PADI3: variants seen among roughly 807,000 people sequenced by gnomAD.
PADI3 encodes protein-arginine deiminase type-3.
A neutral mutation model predicts 71.5 loss-of-function variants in PADI3; 53 were observed. The ratio of observed to expected loss-of-function variants is 0.74; its 90% CI spans 0.59 to 0.93. The LOEUF is 0.93. PADI3 is among the 40% of genes least tolerant of loss of function. The probability of loss-of-function intolerance (pLI) is 0.00; values close to 1 mark genes in which losing one functional copy is unlikely to be tolerated. For synonymous variants in PADI3, 361 were observed against 347.5 expected, an observed-to-expected ratio of 1.04 and a Z score of -0.43; for missense variants, 821 against 868.0, an observed-to-expected ratio of 0.95 and a Z score of 0.68.
intron 2 of PADI3, among the ~76,000 whole-genome samples, chr1:17,260,057 T>C (rs971524920): frequency 2.6e-5 from 4 of 152,164 alleles, no homozygotes; most frequent in Non-Finnish European, 5.9e-5. Context: ...TGTTGCTCCT[T>C]CTCTTGCTTC....
At chr1:17,282,467 T>C (rs573131575) in intron 15 of PADI3, among the ~76,000 whole-genome samples, 4 of 152,092 alleles carry the variant, frequency 2.6e-5, no homozygotes, top group Non-Finnish European at 4.4e-5. Flanking sequence ...GACGCTCCCA[T>C]TGTCAGTTTC....
intron 6 of PADI3, among the ~76,000 whole-genome samples, chr1:17,268,886 CTTTT>C (rs34487635): frequency 2.3e-5 from 3 of 132,574 alleles, no homozygotes; most frequent in Non-Finnish European, 1.6e-5. Flanking sequence ...CTAAATCTGA[CTTTT>C]TTTTTTTTTT....
chr1:17,252,403 T>C (rs1334837379), intron 1 of PADI3, among the ~76,000 whole-genome samples: 7 of 118,300 alleles, frequency 5.9e-5, no homozygotes, highest in East Asian at 2.7e-4. Flanking sequence ...TCTTCTTCTT[T>C]TTTTTTTTTT....
At chr1:17,269,412 T>C (rs1557507044) in intron 6 of PADI3, among the ~76,000 whole-genome samples, 1 of 152,204 alleles carries the variant, frequency 6.6e-6, no homozygotes, top group African/African-American at 2.4e-5. Flanking sequence ...CTGAACATCA[T>C]AGTGGTTTGC....
intron 1 of PADI3, among the ~76,000 whole-genome samples, chr1:17,252,368 G>A (rs1219818202): frequency 6.6e-6 from 1 of 151,216 alleles, no homozygotes; most frequent in African/African-American, 2.4e-5. Context: ...CAAAGTCTTG[G>A]TGCAGGAAGA....
At chr1:17,261,115 C>A (rs899026251) in intron 2 of PADI3, among the ~76,000 whole-genome samples, 1 of 152,190 alleles carries the variant, frequency 6.6e-6, no homozygotes, top group African/African-American at 2.4e-5. Flanking sequence ...GTGGCCCCTG[C>A]AAGATCCTCC....
intron 9 of PADI3, among the ~76,000 whole-genome samples, chr1:17,272,255 G>A (rs1034438926): frequency 6.6e-6 from 1 of 152,134 alleles, no homozygotes; most frequent in Admixed American, 6.5e-5. Flanking sequence ...AGGCAGGAGA[G>A]AGAACCTTGT....
chr1:17,249,520 A>G (rs1300737389), intron 1 of PADI3, among the ~76,000 whole-genome samples: 1 of 152,138 alleles, frequency 6.6e-6, no homozygotes, highest in East Asian at 1.9e-4. Flanking sequence ...GCACTTTTCT[A>G]TGTCCAAGGG....
intron 13 of PADI3, 88 bp downstream of exon 13, chr1:17,276,964 G>A (rs2073342684): frequency 8.7e-7 from 1 of 1,145,946 alleles, no homozygotes; most frequent in Non-Finnish European, 1.2e-6. Flanking sequence ...GGGAGGGCAA[G>A]TTTTAAAGCA....
chr1:17,254,864 A>G (rs112349915), intron 1 of PADI3, among the ~76,000 whole-genome samples: 26,750 of 151,954 alleles, frequency 0.18, 2,422 homozygotes, highest in South Asian at 0.23. Flanking sequence ...TTACAGGCAT[A>G]TGCCACCACG....
chr1:17,266,277 G>A (rs1428664595), intron 4 of PADI3, among the ~76,000 whole-genome samples: 1 of 152,206 alleles, frequency 6.6e-6, no homozygotes, highest in Non-Finnish European at 1.5e-5. Context: ...TGCCCTGGGA[G>A]TTAAGAGGAG....
rs770336663 is a variant in PADI3 at position 17,283,099 on chromosome 1, C to T, written c.*20C>T. 13 of 1,595,142 alleles carry T rather than the reference C, an allele frequency of 8.1e-6. No homozygotes were observed. The African/African-American group carries it at 1.7e-4, about 21-fold the overall frequency. On this transcript the variant is annotated 3_prime_UTR_variant, in exon 16 of 16. Coordinates refer to ENST00000375460, the MANE Select transcript of PADI3 (RefSeq NM_016233.2). ...CCCTGAGACAGCTCCCACCCACCAT[C>T]CTGTCCCCCTGGGGCGGGCATTGGC...
chr1:17,280,349 G>A lies in PADI3; in HGVS notation c.1556-1G>A. Reference sequence around the variant, plus strand: ...TTCTCTTTCATCTCTCTCCTTCACAGATGATGAGCAGGTCAAGACCATCTC... The same window carrying A: ...TTCTCTTTCATCTCTCTCCTTCACAAATGATGAGCAGGTCAAGACCATCTC... On this transcript the variant is annotated splice_acceptor_variant, in intron 13 of 15. Coordinates refer to ENST00000375460, the MANE Select transcript of PADI3 (RefSeq NM_016233.2). LOFTEE classifies it high-confidence loss of function. The A allele has an allele frequency of 6.2e-7, 1 of 1,612,364 alleles. No individual in the cohort carries two copies. Among genetic ancestry groups the A allele is most frequent in the Non-Finnish European group, 8.5e-7 (1 of 1,178,406 alleles).
chr1:17,258,001 T>C (rs1465952451), intron 1 of PADI3, among the ~76,000 whole-genome samples: 1 of 152,162 alleles, frequency 6.6e-6, no homozygotes, highest in African/African-American at 2.4e-5. Context: ...GAGTGTGGAC[T>C]GAGGAGCCAC....
intron 6 of PADI3, among the ~76,000 whole-genome samples, chr1:17,268,566 G>A (rs1056853326): frequency 5.2e-5 from 7 of 135,808 alleles, no homozygotes; most frequent in African/African-American, 2.0e-4. Context: ...GGAGTACAGT[G>A]GCGTGACCTC....
chr1:17,274,858 A>T, intron 11 of PADI3, 72 bp downstream of exon 11: 1 of 1,461,816 alleles, frequency 6.8e-7, no homozygotes, highest in South Asian at 1.2e-5. Flanking sequence ...ATGGTGGAGC[A>T]GGGGCCATTG....
intron 12 of PADI3, 24 bp from the exon 13 acceptor site, chr1:17,276,750 G>C (rs376623097): frequency 7.1e-5 from 114 of 1,613,646 alleles, no homozygotes; most frequent in Middle Eastern, 3.3e-4. Context: ...AGGAGGCTCA[G>C]CTGAATCTGT....
Position 17,282,968 on chromosome 1 carries a change from C to T in PADI3, c.1884C>T (p.Cys628=), listed in dbSNP as rs774682654. The T allele has an allele frequency of 1.9e-6, 3 of 1,614,060 alleles. No individual in the cohort carries two copies. Among genetic ancestry groups the T allele is most frequent in the South Asian group, 2.2e-5 (2 of 91,092 alleles). ...TGCTGGAGCCGCTGGGCCTCCACTG[C>T]ACCTTCATTGATGACTTCACTCCAT... is the stretch of plus-strand genomic sequence containing the variant. The part of the protein sequence containing the change: ...RSLLEPLGLH[C]TFIDDFTPYH... The change falls in exon 16 of 16, where the codon TGC becomes TGT. Residue 628 remains cysteine, a synonymous_variant. Coordinates refer to ENST00000375460, the MANE Select transcript of PADI3 (RefSeq NM_016233.2).
chr1:17,251,136 G>A (rs1169190295), intron 1 of PADI3, among the ~76,000 whole-genome samples: 2 of 152,216 alleles, frequency 1.3e-5, no homozygotes, highest in East Asian at 1.9e-4. Context: ...GAGCCTTGAA[G>A]GATGAGCACA....
Sources: gnomAD v4.1 joint callset for allele counts (sites outside exome capture counted in the v4.1 genomes callset) on GRCh38, gnomAD v4.1.1 for gene constraint, MANE v1.5 for transcripts, NCBI Gene and HGNC (gene_info 2026-07-23, HGNC 2026-07-21) for gene names.